The following ZNF43 variants were observed in gnomAD, a reference collection of about 807,000 sequenced individuals.
ZNF43 encodes zinc finger protein 43.
In ZNF43, 44 loss-of-function variants were observed where a neutral mutation model predicts 68.4. That is an observed-to-expected ratio of 0.64 (90% CI 0.51 to 0.83). The LOEUF is 0.83. ZNF43 is among the 40% of genes least tolerant of loss of function. The pLI, the probability that ZNF43 is intolerant of heterozygous loss-of-function variation, is 0.00. For missense variants in ZNF43, 896 were observed against 933.2 expected (o/e 0.96, Z 0.52); for synonymous variants, 308 against 307.8 (o/e 1.00, Z -0.01).
At chr19:21,824,732 T>TAAAAAAAAAAAAA (rs34739856) in intron 1 of ZNF43, among the ~76,000 whole-genome samples, 6 of 107,232 alleles carry the variant, frequency 5.6e-5, no homozygotes, top group African/African-American at 1.6e-4. Context: ...TATGTTTACC[T>TAAAAAAAAAAAAA]AAAAAAAAAA....
upstream of ZNF43, among the ~76,000 whole-genome samples, chr19:21,836,775 A>G (rs1213240087): frequency 6.6e-6 from 1 of 152,088 alleles, no homozygotes; most frequent in Non-Finnish European, 1.5e-5. Context: ...TTTTATTTGT[A>G]GAGATGAAGC....
At chr19:21,845,530 G>A (rs1369312091) in intron 1 of ZNF43, 1 of 151,988 alleles carries the variant, frequency 6.6e-6, no homozygotes, top group Non-Finnish European at 1.5e-5. Context: ...GAAAAGATAT[G>A]TCATAATACT....
chr19:21,823,594 T>C (rs1023146290), intron 1 of ZNF43, among the ~76,000 whole-genome samples: 11 of 116,438 alleles, frequency 9.4e-5, no homozygotes, highest in African/African-American at 4.0e-4. Context: ...TTTTTTTTTT[T>C]CGTGAGATGG....
intron 1 of ZNF43, chr19:21,826,599 G>A (rs2038133190): frequency 6.6e-6 from 1 of 152,196 alleles, no homozygotes; most frequent in Non-Finnish European, 1.5e-5. Context: ...CAGCACTTTG[G>A]GAAGGAGGCA....
intron 1 of ZNF43, among the ~76,000 whole-genome samples, chr19:21,845,725 C>A (rs1338148254): frequency 6.6e-6 from 1 of 151,994 alleles, no homozygotes. Context: ...GAAACCCTGT[C>A]TCTACTAAAA....
chr19:21,808,674 T>A lies in ZNF43; in HGVS notation c.1363A>T (p.Lys455Ter). The change falls in exon 4 of 4, where the codon AAA (lysine) becomes TAA (stop). Residue 455 changes from lysine to a stop codon, truncating the protein, a stop_gained. Coordinates refer to ENST00000354959, the MANE Select transcript of ZNF43 (RefSeq NM_003423.4). LOFTEE classifies it high-confidence loss of function. ...AAGGCTTTGCCACATACTTCACATTTGTAGGGTTTCTCTCCAGTATGAATT... is the reference window on the plus strand; with the variant it reads ...AAGGCTTTGCCACATACTTCACATTAGTAGGGTTTCTCTCCAGTATGAATT... ...NRIHTGEKPY[K>*]CEVCGKAFNQ... 1.9e-6 allele frequency: 3 copies of A among 1,613,644 alleles called. No homozygotes were observed. Among genetic ancestry groups the A allele is most frequent in the Non-Finnish European group, 2.5e-6 (3 of 1,179,862 alleles).
chr19:21,821,199 C>T (rs1487916719), intron 1 of ZNF43, among the ~76,000 whole-genome samples: 2 of 142,494 alleles, frequency 1.4e-5, no homozygotes, highest in East Asian at 2.1e-4. Context: ...GGCTAGAGTG[C>T]GGTGGCGCGA....
intron 1 of ZNF43, among the ~76,000 whole-genome samples, chr19:21,820,435 G>A (rs2037764636): frequency 6.6e-6 from 1 of 150,894 alleles, no homozygotes. Context: ...AAAATTAGCT[G>A]GGTGCGGTGG....
intron 1 of ZNF43, among the ~76,000 whole-genome samples, chr19:21,846,522 A>G (rs548055344): frequency 6.6e-6 from 1 of 152,152 alleles, no homozygotes; most frequent in South Asian, 2.1e-4. Flanking sequence ...ATGTGTTAAA[A>G]TGTTTTCTGT....
chr19:21,841,774 G>A (rs1967550066), intron 1 of ZNF43: 1 of 152,162 alleles, frequency 6.6e-6, no homozygotes, highest in African/African-American at 2.4e-5. Context: ...CCTTTTACAG[G>A]GTTCAGGTAG....
intron 3 of ZNF43, among the ~76,000 whole-genome samples, chr19:21,811,399 G>A (rs368126892): frequency 1.3e-5 from 2 of 151,928 alleles, no homozygotes; most frequent in Non-Finnish European, 2.9e-5. Flanking sequence ...GCTGGGCATG[G>A]CTATATGTGC....
chr19:21,845,684 G>A (rs139051556), intron 1 of ZNF43, among the ~76,000 whole-genome samples: 122 of 152,048 alleles, frequency 8.0e-4, no homozygotes, highest in African/African-American at 2.7e-3. Context: ...ACCTAAGGTC[G>A]GGAGTTTGTG....
chr19:21,811,837 A>G (rs1008811757), intron 3 of ZNF43, among the ~76,000 whole-genome samples: 1 of 152,198 alleles, frequency 6.6e-6, no homozygotes, highest in African/African-American at 2.4e-5. Flanking sequence ...TTCTTGAATT[A>G]TATATACAAA....
At position 21,808,006 on chromosome 19, in the gene ZNF43, G is replaced by A; in HGVS notation, c.2031C>T (p.Pro677=). The A allele has an allele frequency of 6.2e-7, 1 of 1,612,754 alleles. No individual in the cohort carries two copies. Among genetic ancestry groups the A allele is most frequent in the Admixed American group, 1.7e-5 (1 of 60,008 alleles). The change falls in exon 4 of 4, where the codon CCC becomes CCT. Residue 677 remains proline, a synonymous_variant. Transcript: ENST00000354959. ...CTTTGCCACATTCTTCACATTTGTAGGGTTTCTCTCCAGTATGAATTATCT... is the reference window on the plus strand; with the variant it reads ...CTTTGCCACATTCTTCACATTTGTAAGGTTTCTCTCCAGTATGAATTATCT... ...KHKIIHTGEK[P]YKCEECGKAF...
rs761612770 is a variant in ZNF43 at position 21,809,184 on chromosome 19, ATT to A, written c.851_852del (p.Lys284IlefsTer5). The stretch of plus-strand genomic sequence containing the variant: ...TTGGCACATTCTTTACATTTGTAGA[ATT>A]TCTCTCCAGTGCGAATTATCTTATG... ...TTHKIIRTGE[K>X]FYKCKECAKA... On this transcript the variant is annotated frameshift_variant, in exon 4 of 4. Coordinates refer to ENST00000354959, the MANE Select transcript of ZNF43 (RefSeq NM_003423.4). LOFTEE classifies it high-confidence loss of function. 21 of 1,612,544 alleles carry A rather than the reference ATT, an allele frequency of 1.3e-5. No individual in the cohort carries two copies. The highest frequency in any genetic ancestry group is 4.0e-5 in the African/African-American group (3 of 74,612).
chr19:21,816,783 C>T (rs1051389796), intron 3 of ZNF43, among the ~76,000 whole-genome samples: 18 of 152,250 alleles, frequency 1.2e-4, no homozygotes, highest in African/African-American at 3.9e-4. Flanking sequence ...ATATAAAGCC[C>T]ACCATATGCA....
chr19:21,817,819 G>A (rs1416681366), intron 3 of ZNF43, 69 bp downstream of exon 3: 2 of 1,462,350 alleles, frequency 1.4e-6, no homozygotes, highest in East Asian at 2.3e-5. Context: ...ACATTTTAAG[G>A]ACTGGCTTTC....
chr19:21,831,071 C>T (rs934799783), intron 1 of ZNF43, among the ~76,000 whole-genome samples: 1 of 152,168 alleles, frequency 6.6e-6, no homozygotes, highest in Non-Finnish European at 1.5e-5. Flanking sequence ...TTAAAACCCT[C>T]AACGAACTAG....
chr19:21,840,160 C>T (rs965573653), upstream of ZNF43: 1 of 152,178 alleles, frequency 6.6e-6, no homozygotes, highest in Non-Finnish European at 1.5e-5. Context: ...GCAGAAGAGT[C>T]ACATAACCAG....
Sources: allele counts gnomAD v4.1 joint callset (sites outside exome capture counted in the v4.1 genomes callset), GRCh38; gene constraint gnomAD v4.1.1; transcripts MANE v1.5; gene names NCBI Gene and HGNC (gene_info 2026-07-23, HGNC 2026-07-21).